ZDHHC11B: variants seen among roughly 807,000 people sequenced by gnomAD.
The protein encoded by ZDHHC11B is zDHHC palmitoyltransferase 11B (putative).
A neutral mutation model predicts 42.3 loss-of-function variants in ZDHHC11B; 17 were observed. That is an observed-to-expected ratio of 0.40 (90% CI 0.27 to 0.60). The LOEUF is 0.60. Ranked by LOEUF, ZDHHC11B falls within the 20% of genes least tolerant of loss-of-function variation. The pLI is 0.41. For missense variants in ZDHHC11B, 262 were observed against 463.2 expected (o/e 0.57, Z 3.99); for synonymous variants, 123 against 193.5 (o/e 0.64, Z 3.02).
At chr5:728,617 A>G (rs1213470508) in intron 12 of ZDHHC11B, among the ~76,000 whole-genome samples, 1 of 152,008 alleles carries the variant, frequency 6.6e-6, no homozygotes, top group Non-Finnish European at 1.5e-5. Flanking sequence ...TCAGGAAGGG[A>G]GGTGCAGAAT....
intron 10 of ZDHHC11B, among the ~76,000 whole-genome samples, chr5:735,885 G>T (rs551103137): frequency 3.4e-4 from 50 of 148,272 alleles, no homozygotes; most frequent in Admixed American, 5.5e-4. Flanking sequence ...AATCTTACAG[G>T]ACTGAGAAAA....
chr5:745,829 G>A (rs1256302536), intron 8 of ZDHHC11B, among the ~76,000 whole-genome samples: 10 of 149,944 alleles, frequency 6.7e-5, no homozygotes, highest in African/African-American at 2.4e-4. Context: ...CGACCACCCC[G>A]AGGTGCTGGC....
At chr5:773,164 C>T (rs1339031050) in intron 1 of ZDHHC11B, among the ~76,000 whole-genome samples, 4 of 151,834 alleles carry the variant, frequency 2.6e-5, no homozygotes, top group South Asian at 2.1e-4. Context: ...AGGTGTCAGA[C>T]GGACAACGAG....
rs1237565987 is a variant in ZDHHC11B, at chr5:725,288, C to G, written c.1058+5146G>C. 4.5e-3 allele frequency among the ~76,000 whole-genome samples: 626 copies of G among 138,280 alleles called. 3 individuals carry two copies. Among genetic ancestry groups the G allele is most frequent in the African/African-American group, 0.017 (579 of 34,368 alleles). The allele number at this position is 138,280 out of a possible 152,430, so 90.7% of individuals were successfully genotyped here. A position where few individuals can be genotyped will look rare whatever the true frequency, so the allele number is the denominator to read the frequency against. Reference sequence around the variant, plus strand: ...GACTTCCCCTGCTGTGTGAGGACAACCAGAGGAGGCCGTCGGAGAACCGGG... The same window carrying G: ...GACTTCCCCTGCTGTGTGAGGACAAGCAGAGGAGGCCGTCGGAGAACCGGG... On this transcript the variant is annotated intron_variant, in intron 12 of 13. Transcript: ENST00000508859.
At position 745,213 on chromosome 5, in the gene ZDHHC11B, T is replaced by C; in HGVS notation, c.870A>G (p.Pro290=). 3 of 1,602,106 alleles carry C rather than the reference T, an allele frequency of 1.9e-6. 1 individual carries two copies. Among genetic ancestry groups the C allele is most frequent in the Non-Finnish European group, 2.6e-6 (3 of 1,173,620 alleles). The change falls in exon 9 of 14, where the codon CCA becomes CCG. Residue 290 remains proline, a synonymous_variant. Coordinates refer to ENST00000508859, the MANE Select transcript of ZDHHC11B (RefSeq NM_001351303.2). The stretch of plus-strand genomic sequence containing the variant: ...GAAATCCTTTGTCCATTTGCACGTA[T>C]GGATCTTTCCTCACTGCTTGATGTT... ...SSKHQAVRKD[P]YVQMDKGFLQ... is the part of the protein sequence containing the mutation.
intron 1 of ZDHHC11B, among the ~76,000 whole-genome samples, chr5:770,668 G>A (rs1172238792): frequency 6.6e-6 from 1 of 152,048 alleles, no homozygotes; most frequent in Admixed American, 6.5e-5. Context: ...CTTAGATGGA[G>A]CTTTAGGCTG....
chr5:754,615 G>GCC (rs1746354622), intron 6 of ZDHHC11B, among the ~76,000 whole-genome samples: 11 of 108,542 alleles, frequency 1.0e-4, no homozygotes, highest in Admixed American at 2.1e-4. Flanking sequence ...AACACCTCTC[G>GCC]TCCATCTGCG....
At chr5:776,742 C>T (rs530899907) in intron 1 of ZDHHC11B, among the ~76,000 whole-genome samples, 2 of 152,000 alleles carry the variant, frequency 1.3e-5, no homozygotes, top group South Asian at 4.2e-4. Flanking sequence ...GACCTGGGAG[C>T]CCTGCCCTCC....
At position 743,552 on chromosome 5, in the gene ZDHHC11B, C is replaced by A. The variant is rs1274284580; in HGVS notation, c.900+1631G>T. Among the ~76,000 whole-genome samples, 5 of 149,224 alleles carry A rather than the reference C, an allele frequency of 3.4e-5. 1 individual carries two copies. The Admixed American group carries it at 3.4e-4, about 10-fold the overall frequency. ...TTTTCCAATCTATGAATGCTGTACACCTTTTCACTTAATAGAGCGTCTCTG... is the reference window on the plus strand; with the variant it reads ...TTTTCCAATCTATGAATGCTGTACAACTTTTCACTTAATAGAGCGTCTCTG... On this transcript the variant is annotated intron_variant, in intron 9 of 13. Transcript: ENST00000508859.
intron 1 of ZDHHC11B, among the ~76,000 whole-genome samples, chr5:772,544 A>C (rs1258274322): frequency 4.7e-5 from 7 of 147,994 alleles, no homozygotes; most frequent in Admixed American, 4.7e-4. Context: ...CCCCCTGCGG[A>C]GGTGCTTGGT....
At chr5:780,923 G>A (rs1206062638) in intron 1 of ZDHHC11B, among the ~76,000 whole-genome samples, 25 of 150,416 alleles carry the variant, frequency 1.7e-4, no homozygotes, top group African/African-American at 6.2e-4. Flanking sequence ...AAGCAGCCAC[G>A]GTGGCCAGGT....
intron 1 of ZDHHC11B, among the ~76,000 whole-genome samples, chr5:783,580 C>T (rs1173868082): frequency 5.8e-4 from 88 of 152,208 alleles, no homozygotes; most frequent in Non-Finnish European, 5.3e-4. Context: ...GGTGGATCAG[C>T]GGTGACACTG....
intron 1 of ZDHHC11B, among the ~76,000 whole-genome samples, chr5:777,376 G>C (rs754985107): frequency 7.2e-5 from 11 of 151,928 alleles, no homozygotes; most frequent in South Asian, 4.2e-4. Flanking sequence ...CGCTCCCTCC[G>C]GTGGGCTCGT....
intron 1 of ZDHHC11B, among the ~76,000 whole-genome samples, chr5:774,768 C>G (rs28641955): frequency 3.1e-3 from 109 of 34,744 alleles, no homozygotes; most frequent in South Asian, 0.012. Flanking sequence ...CTGTCACTAG[C>G]GCCAGGGGTC....
At chr5:742,478 A>C (rs1579306903) in intron 9 of ZDHHC11B, among the ~76,000 whole-genome samples, 1 of 61,754 alleles carries the variant, frequency 1.6e-5, no homozygotes. Flanking sequence ...GCTTTACTGC[A>C]CTTCACAGAA....
chr5:733,804 C>T lies in ZDHHC11B; in HGVS notation c.971G>A (p.Cys324Tyr), dbSNP rs755473336. 2 of 1,570,124 alleles carry T rather than the reference C, an allele frequency of 1.3e-6. No homozygotes were observed. The highest frequency in any genetic ancestry group is 1.1e-5 in the South Asian group (1 of 89,342). Reference protein sequence around the residue: ...KAKSSLLIYKCPCHFCTSVNQ... With the variant: ...KAKSSLLIYKYPCHFCTSVNQ... ...TACTGAAGTGCAGAAGTGACATGGG[C>T]ATTTGTAAATCAGCAGGGAGCTCTT... Residue 324 changes from cysteine to tyrosine, a missense_variant, in exon 11 of 14, where the codon TGC (cysteine) becomes TAC (tyrosine). Cys to Tyr is a radical substitution (Grantham distance 194, BLOSUM62 -2). Around this residue, in one of 5 missense-constraint regions of ZDHHC11B, gnomAD observed 75 missense variants for 70.1 expected, o/e 1.07. Coordinates refer to ENST00000508859, the MANE Select transcript of ZDHHC11B (RefSeq NM_001351303.2).
At chr5:754,218 C>A (rs1165283807) in intron 6 of ZDHHC11B, among the ~76,000 whole-genome samples, 2 of 91,476 alleles carry the variant, frequency 2.2e-5, no homozygotes, top group African/African-American at 7.7e-5. Flanking sequence ...TCAGGGGAAA[C>A]ACGTCTCATC....
At chr5:739,252 G>C (rs1287138853) in intron 10 of ZDHHC11B, among the ~76,000 whole-genome samples, 1 of 150,810 alleles carries the variant, frequency 6.6e-6, no homozygotes, top group African/African-American at 2.5e-5. Context: ...ACAAAAATTA[G>C]CTGGGCGTGC....
intron 10 of ZDHHC11B, among the ~76,000 whole-genome samples, chr5:737,017 AT>A (rs1239349308): frequency 1.4e-5 from 2 of 147,562 alleles, no homozygotes; most frequent in Admixed American, 7.0e-5. Flanking sequence ...ACCACAAAAG[AT>A]AAATCAAAAA....
Sources: gnomAD v4.1 joint callset for allele counts (sites outside exome capture counted in the v4.1 genomes callset) on GRCh38, gnomAD v4.1.1 for gene constraint, gnomAD v4.1.1 regional missense constraint, MANE v1.5 for transcripts, NCBI Gene and HGNC (gene_info 2026-07-23, HGNC 2026-07-21) for gene names.